HELZ: variants seen among roughly 807,000 people sequenced by gnomAD.
HELZ encodes helicase with zinc finger.
HELZ carries 23 observed loss-of-function variants against 218.2 expected under a neutral mutation model. The observed-to-expected ratio is 0.11, with a 90% CI of 0.08 to 0.15. The LOEUF is 0.15. Among genes scored for constraint, HELZ ranks in the 10% least tolerant of loss-of-function variants. The pLI is 1.00. For synonymous variants in HELZ, 814 were observed against 829.4 expected (o/e 0.98, Z 0.32); for missense variants, 1,813 against 2,353.7 (o/e 0.77, Z 4.75).
chr17:67,134,284 C>G (rs1026399204), intron 23 of HELZ, among the ~76,000 whole-genome samples: 61 of 152,038 alleles, frequency 4.0e-4, no homozygotes, highest in African/African-American at 1.4e-3. Flanking sequence ...ACTCGGGAGG[C>G]TGAGGTAGGA....
intron 32 of HELZ, among the ~76,000 whole-genome samples, chr17:67,085,477 T>TA (rs1456197574): frequency 6.6e-6 from 1 of 151,992 alleles, no homozygotes; most frequent in East Asian, 1.9e-4. Context: ...GGTTTACTCC[T>TA]AAAAGGTACC....
intron 12 of HELZ, chr17:67,179,602 A>G (rs1055538110): frequency 6.6e-6 from 1 of 152,178 alleles, no homozygotes; most frequent in African/African-American, 2.4e-5. Context: ...ATACCAGGGG[A>G]AAAAAAGTAG....
At chr17:67,109,053 T>A in intron 29 of HELZ, 63 bp downstream of exon 29, 1 of 1,297,320 alleles carries the variant, frequency 7.7e-7, no homozygotes, top group East Asian at 2.3e-5. Context: ...AAAATGATAT[T>A]ATACAGTCCA....
chr17:67,081,009 T>C (rs937229905), intron 32 of HELZ, among the ~76,000 whole-genome samples: 2 of 152,218 alleles, frequency 1.3e-5, no homozygotes, highest in Non-Finnish European at 2.9e-5. Context: ...TAGCTGAGTA[T>C]GGCTAAGTAA....
intron 31 of HELZ, among the ~76,000 whole-genome samples, chr17:67,100,483 G>A (rs769906435): frequency 4.2e-4 from 64 of 152,032 alleles, no homozygotes; most frequent in Admixed American, 3.3e-3. Flanking sequence ...AGCCAACTCC[G>A]AGACTTTTAC....
chr17:67,086,915 G>A lies in HELZ; in HGVS notation c.5408C>T (p.Ser1803Phe), dbSNP rs1485994443. 1.9e-6 allele frequency: 3 copies of A among 1,613,078 alleles called. No homozygotes were observed. The East Asian group carries it at 6.7e-5, about 36-fold the overall frequency. ...QSSFNFSSPE[S>F]WVNTTSSTPY... is the part of the protein sequence containing the mutation. ...AGTAGATGAGGTGGTGTTTACCCAGGACTCCGGGGATGAAAAGTTGAAAGA... is the reference window on the plus strand; with the variant it reads ...AGTAGATGAGGTGGTGTTTACCCAGAACTCCGGGGATGAAAAGTTGAAAGA... The change falls in exon 32 of 33, where the codon TCC becomes TTC. Residue 1803 changes from serine to phenylalanine, a missense_variant. Ser to Phe is a radical substitution (Grantham distance 155). Around this residue, in one of 4 missense-constraint regions of HELZ, gnomAD observed 938 missense variants for 1,027.5 expected, o/e 0.91. Coordinates refer to ENST00000358691, the MANE Select transcript of HELZ (RefSeq NM_014877.4).
At chr17:67,186,356 T>C (rs1324895906) in intron 12 of HELZ, among the ~76,000 whole-genome samples, 1 of 152,102 alleles carries the variant, frequency 6.6e-6, no homozygotes, top group Non-Finnish European at 1.5e-5. Context: ...TTACAGATGT[T>C]TCCCCGTGAA....
intron 12 of HELZ, among the ~76,000 whole-genome samples, chr17:67,183,417 T>C (rs1011816928): frequency 1.3e-5 from 2 of 152,224 alleles, no homozygotes; most frequent in African/African-American, 4.8e-5. Context: ...TTTAAGTCTA[T>C]TTTTCTATTA....
chr17:67,075,640 T>C lies in HELZ; in HGVS notation c.*2612A>G, dbSNP rs2035997166. On this transcript the variant is annotated 3_prime_UTR_variant, in exon 33 of 33. Coordinates refer to ENST00000358691, the MANE Select transcript of HELZ (RefSeq NM_014877.4). ...GTGTTCAAAATGTTATAAGATACTA[T>C]GCGTAAAGAGCAGGTTCTTTAAAGC... The C allele has an allele frequency of 6.6e-6, 1 of 152,226 alleles. No homozygotes were observed. The highest frequency in any genetic ancestry group is 1.5e-5 in the Non-Finnish European group (1 of 68,030). 9.4% of individuals were successfully genotyped at this position (152,226 alleles called of 1,614,324 possible).
chr17:67,227,377 G>A (rs539466500), intron 3 of HELZ, among the ~76,000 whole-genome samples: 1 of 151,936 alleles, frequency 6.6e-6, no homozygotes, highest in Non-Finnish European at 1.5e-5. Flanking sequence ...ATTTTCAGTA[G>A]ACGGTTTCGC....
intron 3 of HELZ, among the ~76,000 whole-genome samples, chr17:67,227,806 A>G (rs2040934495): frequency 6.6e-6 from 1 of 152,232 alleles, no homozygotes; most frequent in Admixed American, 6.5e-5. Flanking sequence ...CCTTGAAATC[A>G]AGTCATGAAA....
At position 67,136,146 on chromosome 17, in the gene HELZ, A is replaced by C. The variant is rs1364072019; in HGVS notation, c.3006T>G (p.Cys1002Trp). 1.2e-6 allele frequency: 2 copies of C among 1,613,934 alleles called. No homozygotes were observed. The highest frequency in any genetic ancestry group is 1.7e-6 in the Non-Finnish European group (2 of 1,179,934). The change falls in exon 23 of 33, where the codon TGT becomes TGG. Residue 1002 changes from cysteine (C) to tryptophan (W), a missense_variant. Cys to Trp is a radical substitution (Grantham distance 215). Around this residue, in one of 4 missense-constraint regions of HELZ, gnomAD observed 156 missense variants for 274.4 expected, o/e 0.57. Coordinates refer to ENST00000358691, the MANE Select transcript of HELZ (RefSeq NM_014877.4). The stretch of plus-strand genomic sequence containing the variant: ...TTTTAATTGGTGTCTGTTTATGTTT[A>C]CAAGTATGTCTTGTACGTACTGTGC... ...FLSTVRTRHTCKHKQTPIKKK... is the reference protein window; with the variant it reads ...FLSTVRTRHTWKHKQTPIKKK...
chr17:67,141,603 G>C (rs570425836), intron 21 of HELZ, among the ~76,000 whole-genome samples: 12 of 151,850 alleles, frequency 7.9e-5, no homozygotes, highest in Non-Finnish European at 1.5e-4. Flanking sequence ...AAGGAAGGGG[G>C]AATAGAGCTA....
intron 4 of HELZ, among the ~76,000 whole-genome samples, chr17:67,216,604 A>G (rs2040607741): frequency 2.7e-5 from 4 of 150,384 alleles, no homozygotes; most frequent in Non-Finnish European, 4.4e-5. Flanking sequence ...AGAGTTGTCT[A>G]TGTTGATGTA....
chr17:67,207,301 C>T (rs767577386), intron 5 of HELZ, among the ~76,000 whole-genome samples: 79 of 146,712 alleles, frequency 5.4e-4, no homozygotes, highest in Admixed American at 2.1e-3. Context: ...CTCACTGCAA[C>T]CACCGCCTCC....
At chr17:67,100,989 A>G (rs752672892) in intron 31 of HELZ, among the ~76,000 whole-genome samples, 1 of 152,080 alleles carries the variant, frequency 6.6e-6, no homozygotes, top group Middle Eastern at 3.4e-3. Context: ...GGGTACCTGT[A>G]GTCCCAGCTA....
intron 3 of HELZ, among the ~76,000 whole-genome samples, chr17:67,235,896 G>T (rs2041169245): frequency 6.6e-6 from 1 of 151,856 alleles, no homozygotes; most frequent in Non-Finnish European, 1.5e-5. Flanking sequence ...GAGTAGCTGG[G>T]ACTACAGGCA....
intron 12 of HELZ, among the ~76,000 whole-genome samples, chr17:67,187,529 C>T (rs892605574): frequency 6.6e-6 from 1 of 152,194 alleles, no homozygotes; most frequent in African/African-American, 2.4e-5. Flanking sequence ...AAAAAACGTC[C>T]TCCACAATAT....
Position 67,106,483 on chromosome 17 carries a change from A to G in HELZ, c.5241+686T>C, listed in dbSNP as rs184048456. On this transcript the variant is annotated intron_variant, in intron 31 of 32. Transcript: ENST00000358691. ...CCACCACGCCCAGCTAATTTTTTCTATTTTTAGTAGAGACGGGGTTTCACC... is the reference window on the plus strand; with the variant it reads ...CCACCACGCCCAGCTAATTTTTTCTGTTTTTAGTAGAGACGGGGTTTCACC... 2.0e-4 allele frequency among the ~76,000 whole-genome samples: 30 copies of G among 151,380 alleles called. 1 individual carries two copies. In the East Asian group the frequency reaches 5.8e-3, roughly 29 times the overall value.
Sources: allele counts gnomAD v4.1 joint callset (sites outside exome capture counted in the v4.1 genomes callset), GRCh38; gene constraint gnomAD v4.1.1; regional missense constraint gnomAD v4.1.1; transcripts MANE v1.5; gene names NCBI Gene and HGNC (gene_info 2026-07-23, HGNC 2026-07-21).